The following IL1RAPL2 variants were observed in gnomAD, a reference collection of about 807,000 sequenced individuals.
IL1RAPL2 encodes interleukin 1 receptor accessory protein like 2.
Under a neutral mutation model 44.1 loss-of-function variants are expected in IL1RAPL2, and 3 were observed. The observed-to-expected ratio is 0.07, with a 90% CI of 0.03 to 0.18. The LOEUF (loss-of-function observed/expected upper bound fraction) is 0.18, where lower values mean the gene tolerates loss of function less well. IL1RAPL2 is among the 10% of genes least tolerant of loss of function. The probability of loss-of-function intolerance (pLI) is 1.00; values close to 1 mark genes in which losing one functional copy is unlikely to be tolerated. For synonymous variants in IL1RAPL2, 181 were observed against 178.8 expected (o/e 1.01, Z -0.10); for missense variants, 391 against 496.4 (o/e 0.79, Z 2.02).
chrX:105,356,769 G>A (rs1217438871), intron 5 of IL1RAPL2, among the ~76,000 whole-genome samples: 3 of 112,038 alleles, frequency 2.7e-5, no homozygotes, highest in East Asian at 5.7e-4. Context: ...ATTGTGGTAA[G>A]CATTAGTGCC....
chrX:105,284,851 G>T (rs2034558883), intron 5 of IL1RAPL2, among the ~76,000 whole-genome samples: 1 of 111,342 alleles, frequency 9.0e-6, no homozygotes, highest in African/African-American at 3.3e-5. Context: ...AGTGAAGCCA[G>T]GGGTGTCATT....
chrX:105,019,525 G>T (rs1231555454), intron 2 of IL1RAPL2, among the ~76,000 whole-genome samples: 1 of 111,443 alleles, frequency 9.0e-6, no homozygotes, highest in East Asian at 2.8e-4. Context: ...TAATCAGTAG[G>T]TAATAGATAC....
At chrX:104,898,095 G>A (rs1476137948) in intron 2 of IL1RAPL2, among the ~76,000 whole-genome samples, 2 of 111,892 alleles carry the variant, frequency 1.8e-5, no homozygotes, top group Non-Finnish European at 3.8e-5. Flanking sequence ...GATTGGCAAA[G>A]GAAATCCTGC....
chrX:104,968,607 A>T (rs911585392), intron 2 of IL1RAPL2, among the ~76,000 whole-genome samples: 2 of 111,683 alleles, frequency 1.8e-5, no homozygotes, highest in Non-Finnish European at 3.8e-5. Context: ...CAGTGTATAG[A>T]CTTTCATGAT....
At chrX:105,456,254 T>C (rs1264465699) in intron 5 of IL1RAPL2, among the ~76,000 whole-genome samples, 1 of 112,075 alleles carries the variant, frequency 8.9e-6, no homozygotes, top group Non-Finnish European at 1.9e-5. Context: ...TATAAGACCA[T>C]GTCATCTGCA....
At chrX:104,945,191 T>C (rs1925311509) in intron 2 of IL1RAPL2, among the ~76,000 whole-genome samples, 1 of 110,785 alleles carries the variant, frequency 9.0e-6, no homozygotes, top group South Asian at 3.8e-4. Context: ...TTGAGGTTAC[T>C]AAATAAGGAA....
intron 6 of IL1RAPL2, among the ~76,000 whole-genome samples, chrX:105,670,091 T>G (rs1304759742): frequency 1.9e-5 from 1 of 53,477 alleles, no homozygotes; most frequent in Non-Finnish European, 3.7e-5. Flanking sequence ...TGTGGCTCTA[T>G]TTCTGGGTTT....
At chrX:105,506,234 G>T (rs2036430113) in intron 6 of IL1RAPL2, among the ~76,000 whole-genome samples, 1 of 110,967 alleles carries the variant, frequency 9.0e-6, no homozygotes, top group African/African-American at 3.3e-5. Flanking sequence ...TCCCCAAATG[G>T]TGGCTTAAAA....
chrX:104,998,757 A>AC, intron 2 of IL1RAPL2, among the ~76,000 whole-genome samples: 1 of 110,285 alleles, frequency 9.1e-6, no homozygotes, highest in South Asian at 4.1e-4. Flanking sequence ...ACAGAGTGAG[A>AC]CCCCCATCTC....
intron 2 of IL1RAPL2, among the ~76,000 whole-genome samples, chrX:105,149,676 T>C (rs921135330): frequency 2.8e-5 from 3 of 108,896 alleles, no homozygotes; most frequent in African/African-American, 1.0e-4. Flanking sequence ...AACTGAAAAA[T>C]ACAAAAATTA....
chrX:104,638,680 G>T (rs181171325), intron 1 of IL1RAPL2, among the ~76,000 whole-genome samples: 1 of 111,863 alleles, frequency 8.9e-6, no homozygotes, highest in East Asian at 2.8e-4. Flanking sequence ...GTTCTTGTTT[G>T]TATTGATTTC....
rs1002018120 is a variant in IL1RAPL2 at position 105,407,300 on chromosome X, C to T, written c.698-77013C>T. 2.7e-5 allele frequency among the ~76,000 whole-genome samples: 3 copies of T among 110,358 alleles called. No individual in the cohort carries two copies. In the East Asian group the frequency reaches 8.6e-4, roughly 31 times the overall value. On this transcript the variant is annotated intron_variant, in intron 5 of 10. Coordinates refer to ENST00000372582, the MANE Select transcript of IL1RAPL2 (RefSeq NM_017416.2). ...AAACTAGATATTGCTGCCTTTTGAA[C>T]GGGGTAGGGGGGTTTACCTGGTTTT...
intron 3 of IL1RAPL2, among the ~76,000 whole-genome samples, chrX:105,218,495 C>T (rs1556170708): frequency 9.0e-6 from 1 of 111,232 alleles, no homozygotes. Context: ...GCCAAATATC[C>T]ACTCCTGCTC....
At chrX:104,623,431 C>T (rs931511666) in intron 1 of IL1RAPL2, among the ~76,000 whole-genome samples, 1 of 110,962 alleles carries the variant, frequency 9.0e-6, no homozygotes, top group Non-Finnish European at 1.9e-5. Flanking sequence ...AGTTAAGAGT[C>T]GATTGTGTAC....
chrX:105,549,719 T>C (rs550511421), intron 6 of IL1RAPL2, among the ~76,000 whole-genome samples: 31 of 111,354 alleles, frequency 2.8e-4, no homozygotes, highest in Middle Eastern at 9.2e-3. Flanking sequence ...CTTTCATAGG[T>C]ATAAACATCC....
intron 2 of IL1RAPL2, among the ~76,000 whole-genome samples, chrX:104,848,204 G>A (rs1277061916): frequency 9.2e-6 from 1 of 108,933 alleles, no homozygotes; most frequent in Non-Finnish European, 1.9e-5. Context: ...CTGCCTGATT[G>A]CCCTGGCCAG....
chrX:105,059,093 T>A (rs73520254), intron 2 of IL1RAPL2, among the ~76,000 whole-genome samples: 7,398 of 112,204 alleles, frequency 0.066, 656 homozygotes, highest in African/African-American at 0.23. Flanking sequence ...CCATCACCTC[T>A]AGCATTTATT....
At chrX:104,616,703 A>T (rs956783926) in intron 1 of IL1RAPL2, among the ~76,000 whole-genome samples, 4 of 111,752 alleles carry the variant, frequency 3.6e-5, no homozygotes, top group African/African-American at 1.3e-4. Flanking sequence ...GTACAGGAAG[A>T]TAGCTTCGAC....
At chrX:105,360,556 G>A (rs1324820747) in intron 5 of IL1RAPL2, among the ~76,000 whole-genome samples, 4 of 111,140 alleles carry the variant, frequency 3.6e-5, no homozygotes, top group Non-Finnish European at 1.9e-5. Flanking sequence ...AGTGGCATAG[G>A]GTGGGGAAGG....
Sources: allele counts gnomAD v4.1 joint callset (sites outside exome capture counted in the v4.1 genomes callset), GRCh38; gene constraint gnomAD v4.1.1; transcripts MANE v1.5; gene names NCBI Gene and HGNC (gene_info 2026-07-23, HGNC 2026-07-21).